The following KCNQ3 variants were observed in gnomAD, a reference collection of about 807,000 sequenced individuals.
KCNQ3 encodes the protein potassium voltage-gated channel subfamily KQT member 3.
A neutral mutation model predicts 92.5 loss-of-function variants in KCNQ3; 30 were observed. The ratio of observed to expected loss-of-function variants is 0.32; its 90% confidence interval spans 0.24 to 0.44. The LOEUF is 0.44. Among genes scored for constraint, KCNQ3 ranks in the 20% least tolerant of loss-of-function variants. The pLI is 1.00. For missense variants in KCNQ3, 913 were observed against 1,140.3 expected, an observed-to-expected ratio of 0.80 and a Z score of 2.87; for synonymous variants, 450 against 468.8, an observed-to-expected ratio of 0.96 and a Z score of 0.52.
At chr8:132,253,284 C>T (rs1195623091) in intron 1 of KCNQ3, among the ~76,000 whole-genome samples, 1 of 152,216 alleles carries the variant, frequency 6.6e-6, no homozygotes, top group Admixed American at 6.5e-5. Context: ...CCTGGCTCTA[C>T]ATCTAGCTAT....
chr8:132,252,182 TC>T (rs371802867), intron 1 of KCNQ3, among the ~76,000 whole-genome samples: 1,651 of 152,262 alleles, frequency 0.011, 38 homozygotes, highest in African/African-American at 0.038. Flanking sequence ...TTCCTTCTGG[TC>T]GGTTCTTGGT....
intron 1 of KCNQ3, among the ~76,000 whole-genome samples, chr8:132,359,489 A>C (rs571483495): frequency 6.6e-6 from 1 of 152,186 alleles, no homozygotes; most frequent in East Asian, 1.9e-4. Flanking sequence ...GGGTCAAGCC[A>C]TCAGGGACAC....
chr8:132,421,740 G>A (rs1046970852), intron 1 of KCNQ3, among the ~76,000 whole-genome samples: 1 of 152,188 alleles, frequency 6.6e-6, no homozygotes, highest in African/African-American at 2.4e-5. Flanking sequence ...ATCCTACCAG[G>A]ATGCGAGACA....
At chr8:132,133,849 T>C (rs193295210) in intron 13 of KCNQ3, among the ~76,000 whole-genome samples, 61 of 152,352 alleles carry the variant, frequency 4.0e-4, no homozygotes, top group Admixed American at 2.1e-3. Flanking sequence ...CAAAGCTCTC[T>C]GTGTTACAAT....
At chr8:132,453,801 G>A (rs1424728900) in intron 1 of KCNQ3, among the ~76,000 whole-genome samples, 1 of 152,114 alleles carries the variant, frequency 6.6e-6, no homozygotes, top group Non-Finnish European at 1.5e-5. Flanking sequence ...ACAGCAGTGG[G>A]GCTGACCTGG....
chr8:132,389,970 A>G (rs903823074), intron 1 of KCNQ3, among the ~76,000 whole-genome samples: 2 of 152,260 alleles, frequency 1.3e-5, no homozygotes, highest in Non-Finnish European at 2.9e-5. Context: ...AAGCACATAC[A>G]AAAACACTCC....
In KCNQ3 at chr8:132,133,354, C is replaced by CTTATTT. The variant is rs1824947061; in HGVS notation, c.1799+935_1799+936insAAATAA. ...TATCATCACGTTAATGCTCTCGATT[C>CTTATTT]TTTTTTTTTTTTTTTTTTTTGAGAT... On this transcript the variant is annotated intron_variant, in intron 13 of 14. Coordinates refer to ENST00000388996, the MANE Select transcript of KCNQ3 (RefSeq NM_004519.4). Among the ~76,000 whole-genome samples the CTTATTT allele has an allele frequency of 2.9e-5, 3 of 103,478 alleles. No individual in the cohort carries two copies. In the Admixed American group the frequency reaches 3.8e-4, roughly 13 times the overall value. 67.9% of individuals were successfully genotyped at this position (103,478 alleles called of 152,430 possible). A position where few individuals can be genotyped will look rare whatever the true frequency, so the allele number is the denominator to read the frequency against.
At position 132,129,222 on chromosome 8, in the gene KCNQ3, T is replaced by C; in HGVS notation, c.*40A>G. The C allele has an allele frequency of 6.2e-7, 1 of 1,600,856 alleles. No homozygotes were observed. The highest frequency in any genetic ancestry group is 8.5e-7 in the Non-Finnish European group (1 of 1,178,720). On this transcript the variant is annotated 3_prime_UTR_variant, in exon 15 of 15. Coordinates refer to ENST00000388996, the MANE Select transcript of KCNQ3 (RefSeq NM_004519.4). The surrounding 1 kb of genome is among the most constrained non-coding windows in gnomAD (Gnocchi z 5.9). ...GTAAGAGTAAGTGAACTATACAAAG[T>C]CTGTCTACATTACAAGGAGGGGTCA... is the stretch of plus-strand genomic sequence containing the variant.
At chr8:132,229,913 T>C (rs1354717679) in intron 1 of KCNQ3, among the ~76,000 whole-genome samples, 2 of 152,034 alleles carry the variant, frequency 1.3e-5, no homozygotes, top group African/African-American at 2.4e-5. Flanking sequence ...AGCTGGCAAA[T>C]ATATCAACTC....
rs752780967 is a variant in KCNQ3, at chr8:132,128,105, C to T, written c.*1157G>A. ...CTGGATAAACTGGGTGCTTTCCACG[C>T]GACACAAAGTCATATATCTTGACAC... On this transcript the variant is annotated 3_prime_UTR_variant, in exon 15 of 15. Coordinates refer to ENST00000388996, the MANE Select transcript of KCNQ3 (RefSeq NM_004519.4). 25 of 152,102 alleles carry T rather than the reference C, an allele frequency of 1.6e-4. No individual in the cohort carries two copies. Among genetic ancestry groups the T allele is most frequent in the Admixed American group, 3.9e-4 (6 of 15,264 alleles). 9.4% of individuals were successfully genotyped at this position (152,102 alleles called of 1,614,324 possible). A position where few individuals can be genotyped will look rare whatever the true frequency, so the allele number is the denominator to read the frequency against.
At chr8:132,394,311 T>C (rs1820133973) in intron 1 of KCNQ3, among the ~76,000 whole-genome samples, 1 of 152,130 alleles carries the variant, frequency 6.6e-6, no homozygotes, top group Non-Finnish European at 1.5e-5. Context: ...TTAAAGGGCA[T>C]GGTTAAGCCA....
intron 1 of KCNQ3, among the ~76,000 whole-genome samples, chr8:132,475,777 C>T (rs182902510): frequency 2.7e-4 from 41 of 152,274 alleles, no homozygotes; most frequent in African/African-American, 7.9e-4. Context: ...CCATTTTCTG[C>T]GGAGGAATTC....
chr8:132,337,047 A>T (rs1227386825), intron 1 of KCNQ3, among the ~76,000 whole-genome samples: 3 of 152,206 alleles, frequency 2.0e-5, no homozygotes, highest in African/African-American at 7.2e-5. Flanking sequence ...CCTTCTAAAA[A>T]TGTTGGGTGC....
intron 1 of KCNQ3, among the ~76,000 whole-genome samples, chr8:132,196,380 A>T (rs556617726): frequency 9.2e-5 from 14 of 152,254 alleles, no homozygotes; most frequent in African/African-American, 3.1e-4. Flanking sequence ...TTCCCATAGG[A>T]TTTCTTCTTA....
intron 1 of KCNQ3, among the ~76,000 whole-genome samples, chr8:132,406,091 C>T (rs1178155082): frequency 6.6e-6 from 1 of 152,248 alleles, no homozygotes; most frequent in East Asian, 1.9e-4. Context: ...CCAACTTTTC[C>T]AATTTCATAA....
intron 1 of KCNQ3, among the ~76,000 whole-genome samples, chr8:132,301,905 C>A (rs1214811131): frequency 6.6e-6 from 1 of 152,122 alleles, no homozygotes; most frequent in Non-Finnish European, 1.5e-5. Flanking sequence ...AGGAAGCCCA[C>A]AAATAAGCCC....
intron 1 of KCNQ3, among the ~76,000 whole-genome samples, chr8:132,355,832 T>C (rs1454522018): frequency 1.3e-5 from 2 of 152,176 alleles, no homozygotes; most frequent in Non-Finnish European, 2.9e-5. Flanking sequence ...CTGAGATATA[T>C]TCACCTACCA....
intron 1 of KCNQ3, among the ~76,000 whole-genome samples, 153 bp downstream of exon 1, chr8:132,479,984 ACACACACACC>A (rs1311836729): frequency 6.6e-6 from 1 of 150,678 alleles, no homozygotes; most frequent in African/African-American, 2.5e-5. Flanking sequence ...ACACACACAC[ACACACACACC>A]CAGGGAAACG....
chr8:132,431,970 T>C (rs1300093189), intron 1 of KCNQ3, among the ~76,000 whole-genome samples: 1 of 152,184 alleles, frequency 6.6e-6, no homozygotes, highest in African/African-American at 2.4e-5. Context: ...TCCTCACAGC[T>C]CTAGGCATCA....
Sources: gnomAD v4.1 joint callset for allele counts (sites outside exome capture counted in the v4.1 genomes callset) on GRCh38, gnomAD v4.1.1 for gene constraint, Gnocchi (gnomAD v3.1) non-coding constraint, MANE v1.5 for transcripts, NCBI Gene and HGNC (gene_info 2026-07-23, HGNC 2026-07-21) for gene names.